Variants in TRIM37 observed in about 807,000 individuals in gnomAD.
TRIM37 encodes E3 ubiquitin-protein ligase TRIM37.
TRIM37 carries 80 observed loss-of-function variants against 129.8 expected under a neutral mutation model. The observed-to-expected ratio is 0.62, with a 90% confidence interval of 0.51 to 0.74. TRIM37 has a LOEUF of 0.74. Among genes scored for constraint, TRIM37 ranks in the 30% least tolerant of loss-of-function variants. TRIM37 has a pLI of 0.00. For synonymous variants in TRIM37, 389 were observed against 387.1 expected (o/e 1.00, Z -0.06); for missense variants, 1,054 against 1,176.5 (o/e 0.90, Z 1.52).
At chr17:59,031,360 C>T (rs927403810) in intron 18 of TRIM37, among the ~76,000 whole-genome samples, 1 of 152,140 alleles carries the variant, frequency 6.6e-6, no homozygotes, top group Non-Finnish European at 1.5e-5. Flanking sequence ...TCCAAAATGA[C>T]TCTATCCCCG....
At chr17:58,994,440 G>C (rs1330582388), downstream of TRIM37, among the ~76,000 whole-genome samples, 3 of 152,170 alleles carry the variant, frequency 2.0e-5, no homozygotes, top group Non-Finnish European at 4.4e-5. Context: ...GTATCTGGGA[G>C]ATCAGGCGTG....
chr17:59,064,303 G>T, intron 10 of TRIM37, 52 bp downstream of exon 10: 3 of 1,369,348 alleles, frequency 2.2e-6, no homozygotes, highest in Non-Finnish European at 3.1e-6. Flanking sequence ...TACCTTTCTG[G>T]CTCTTCCTTA....
chr17:59,046,283 T>C (rs1352798701), intron 16 of TRIM37, among the ~76,000 whole-genome samples: 1 of 152,124 alleles, frequency 6.6e-6, no homozygotes, highest in Non-Finnish European at 1.5e-5. Flanking sequence ...AAAGTACAAA[T>C]TTTGGAGTGA....
chr17:59,006,492 T>C (rs1047834110), intron 22 of TRIM37, among the ~76,000 whole-genome samples: 1 of 152,168 alleles, frequency 6.6e-6, no homozygotes, highest in African/African-American at 2.4e-5. Flanking sequence ...TCACCAACAA[T>C]TTATCTGCCT....
chr17:59,081,265 T>A (rs1330807112), intron 5 of TRIM37, 46 bp from the exon 6 acceptor site: 2 of 1,598,784 alleles, frequency 1.3e-6, no homozygotes, highest in Non-Finnish European at 8.5e-7. Context: ...ATATCTCATC[T>A]GCATTTACAT....
chr17:58,974,599 GAATA>G, the TRIM37 span, among the ~76,000 whole-genome samples: 2 of 151,950 alleles, frequency 1.3e-5, no homozygotes, highest in African/African-American at 4.8e-5. Flanking sequence ...TTTTAAAAAA[GAATA>G]AATCAATATG....
chr17:59,060,925 AAC>A, intron 12 of TRIM37, 105 bp downstream of exon 12: 1 of 777,626 alleles, frequency 1.3e-6, no homozygotes, highest in Non-Finnish European at 2.2e-6. Flanking sequence ...TCTACATCTT[AAC>A]AGACATACCA....
chr17:59,047,629 T>C (rs2039950556), intron 16 of TRIM37, 54 bp downstream of exon 16: 3 of 1,555,078 alleles, frequency 1.9e-6, no homozygotes, highest in African/African-American at 2.7e-5. Context: ...TTAGTTAATA[T>C]GCTTCTAATA....
At chr17:59,073,357 G>A (rs935158826) in intron 8 of TRIM37, among the ~76,000 whole-genome samples, 8 of 151,622 alleles carry the variant, frequency 5.3e-5, no homozygotes, top group South Asian at 2.1e-4. Flanking sequence ...GCAGTGGCAC[G>A]ATCTCGGCTC....
chr17:59,070,993 C>T, intron 8 of TRIM37, 46 bp from the exon 9 acceptor site: 3 of 1,607,270 alleles, frequency 1.9e-6, no homozygotes, highest in Non-Finnish European at 2.5e-6. Flanking sequence ...TTACTATTCA[C>T]TGCCACCTCA....
chr17:59,016,599 CAAAAAAAAAAAAAAA>C (rs57582105), intron 20 of TRIM37, among the ~76,000 whole-genome samples: 23 of 20,752 alleles, frequency 1.1e-3, no homozygotes, highest in African/African-American at 4.1e-3. Flanking sequence ...CCTGTCTCGG[CAAAAAAAAAAAAAAA>C]AAAAAAAAAA....
intron 24 of TRIM37, among the ~76,000 whole-genome samples, chr17:58,986,367 TTTA>T (rs1031646384): frequency 1.6e-4 from 24 of 148,772 alleles, no homozygotes; most frequent in Non-Finnish European, 1.2e-4. Flanking sequence ...CCCAGCTCAT[TTTA>T]TTATTATTAG....
chr17:59,028,857 C>A (rs1465524691), intron 18 of TRIM37, 134 bp from the exon 19 acceptor site: 1 of 827,342 alleles, frequency 1.2e-6, no homozygotes, highest in Non-Finnish European at 1.9e-6. Flanking sequence ...AAAACATGCA[C>A]TAAATTCCAT....
the TRIM37 span, among the ~76,000 whole-genome samples, chr17:58,971,316 C>T: frequency 6.6e-6 from 1 of 152,092 alleles, no homozygotes; most frequent in Admixed American, 6.6e-5. Flanking sequence ...TTGTTTTTCT[C>T]ATTGGATACA....
rs1417939542 is a variant in TRIM37 at position 59,012,422 on chromosome 17, C to T, written c.2601G>A (p.Leu867=). The T allele has an allele frequency of 6.2e-7, 1 of 1,610,508 alleles. No individual in the cohort carries two copies. The highest frequency in any genetic ancestry group is 1.3e-5 in the African/African-American group (1 of 74,920). ...TLGANAKGGH[L]EGLQMTDLEN... is the part of the protein sequence containing the mutation. ...CCAAATCAGTCATCTGCAGTCCTTC[C>T]AGATGACCTCCTTTAGCATTAGCCC... is the stretch of plus-strand genomic sequence containing the variant. Residue 867 remains leucine (L), a synonymous_variant, in exon 22 of 24, where the codon CTG becomes CTA. Coordinates refer to ENST00000262294, the MANE Select transcript of TRIM37 (RefSeq NM_015294.6).
At chr17:59,060,759 TA>T (rs755696110) in intron 12 of TRIM37, among the ~76,000 whole-genome samples, 1 of 152,260 alleles carries the variant, frequency 6.6e-6, no homozygotes, top group African/African-American at 2.4e-5. Context: ...AATGATATTT[TA>T]AAAAAATTGA....
At chr17:59,101,619 G>C (rs1279907776) in intron 2 of TRIM37, among the ~76,000 whole-genome samples, 1 of 123,706 alleles carries the variant, frequency 8.1e-6, no homozygotes, top group Non-Finnish European at 1.6e-5. Context: ...AGGAGTTTGA[G>C]ACCAGCCTGG....
intron 2 of TRIM37, among the ~76,000 whole-genome samples, chr17:59,091,625 A>AATATGT (rs2044392872): frequency 7.4e-6 from 1 of 135,542 alleles, no homozygotes; most frequent in African/African-American, 2.7e-5. Context: ...TATAATGTAT[A>AATATGT]ATAATGTATA....
rs1167462910 is a variant in TRIM37, at chr17:59,028,463, T to C, written c.2209A>G (p.Met737Val). Residue 737 changes from methionine (M) to valine (V), a missense_variant, in exon 19 of 24, where the codon ATG becomes GTG. Met to Val is a conservative substitution (Grantham distance 21). This residue lies in a region of TRIM37 where 15 missense variants were observed against 31.4 expected (regional missense o/e 0.48). Coordinates refer to ENST00000262294, the MANE Select transcript of TRIM37 (RefSeq NM_015294.6). ...ACTGATGACTTTGCCAGGAGTTCCA[T>C]TCCCAAATCCTGCAATCTGCCAGAG... Reference protein sequence around the residue: ...ENSGRLQDLGMELLAKSSVAN... With the variant: ...ENSGRLQDLGVELLAKSSVAN... 5.6e-6 allele frequency: 9 copies of C among 1,613,978 alleles called. No homozygotes were observed. In the African/African-American group the frequency reaches 9.3e-5, roughly 17 times the overall value.
Sources: allele counts gnomAD v4.1 joint callset (sites outside exome capture counted in the v4.1 genomes callset), GRCh38; gene constraint gnomAD v4.1.1; regional missense constraint gnomAD v4.1.1; transcripts MANE v1.5; gene names NCBI Gene and HGNC (gene_info 2026-07-23, HGNC 2026-07-21).